GPC5: variants seen among roughly 807,000 people sequenced by gnomAD.
GPC5 encodes glypican-5.
GPC5 carries 47 observed loss-of-function variants against 53.9 expected under a neutral mutation model. The observed-to-expected ratio is 0.87, with a 90% confidence interval of 0.69 to 1.11. The LOEUF is 1.11. Among genes scored for constraint, GPC5 ranks in the 50% most tolerant of loss-of-function variants. GPC5 has a pLI of 0.00. For synonymous variants in GPC5, 286 were observed against 263.3 expected, an observed-to-expected ratio of 1.09 and a Z score of -0.84; for missense variants, 748 against 713.1, an observed-to-expected ratio of 1.05 and a Z score of -0.56.
At chr13:92,051,592 C>T (rs563604119) in intron 6 of GPC5, among the ~76,000 whole-genome samples, 38 of 152,216 alleles carry the variant, frequency 2.5e-4, no homozygotes, top group African/African-American at 8.7e-4. Context: ...CTTTTTGACT[C>T]GTCAGTATCA....
At chr13:91,960,602 A>G (rs904287639) in intron 6 of GPC5, among the ~76,000 whole-genome samples, 4 of 152,018 alleles carry the variant, frequency 2.6e-5, no homozygotes, top group Non-Finnish European at 5.9e-5. Flanking sequence ...AATACTCAAA[A>G]TAATCCTAGG....
chr13:92,119,393 T>TG (rs2041627597), intron 6 of GPC5, among the ~76,000 whole-genome samples: 1 of 118,628 alleles, frequency 8.4e-6, no homozygotes, highest in Admixed American at 8.4e-5. Flanking sequence ...GATTTTAGTT[T>TG]TTTTTTTTTT....
At chr13:92,645,198 T>A (rs1287278900) in intron 7 of GPC5, among the ~76,000 whole-genome samples, 2 of 152,098 alleles carry the variant, frequency 1.3e-5, no homozygotes, top group East Asian at 3.9e-4. Flanking sequence ...CAGGCTGGAG[T>A]GCAGTGGCAT....
intron 5 of GPC5, among the ~76,000 whole-genome samples, chr13:91,860,117 A>C (rs1188998060): frequency 6.6e-6 from 1 of 152,128 alleles, no homozygotes; most frequent in East Asian, 1.9e-4. Flanking sequence ...ATAATATATT[A>C]TTGTTAACCA....
At position 91,907,943 on chromosome 13, in the gene GPC5, T is replaced by C; in HGVS notation, c.1287T>C (p.Thr429=). 6.3e-7 allele frequency: 1 copy of C among 1,595,036 alleles called. No homozygotes were observed. Among genetic ancestry groups the C allele is most frequent in the Non-Finnish European group, 8.5e-7 (1 of 1,178,460 alleles). Residue 429 remains threonine (T), a synonymous_variant, in exon 6 of 8, where the codon ACT becomes ACC. Transcript: ENST00000377067. The part of the protein sequence containing the change: ...WNGEDIVKSY[T]QRVVGNGIKA... ...TTCACATTTCCCTTGCTAGTTATAC[T>C]CAGCGTGTGGTTGGAAATGGAATCA...
At chr13:92,452,104 C>T (rs1878083049) in intron 7 of GPC5, among the ~76,000 whole-genome samples, 2 of 151,894 alleles carry the variant, frequency 1.3e-5, no homozygotes, top group African/African-American at 4.8e-5. Context: ...ATAGTAAATC[C>T]CTCATTGAGA....
chr13:92,161,652 A>C (rs2041988833), intron 7 of GPC5, among the ~76,000 whole-genome samples: 1 of 151,980 alleles, frequency 6.6e-6, no homozygotes, highest in South Asian at 2.1e-4. Context: ...CTTAGTGGAG[A>C]CCTGACTAGA....
chr13:92,445,949 T>A (rs537904558), intron 7 of GPC5, among the ~76,000 whole-genome samples: 40 of 152,188 alleles, frequency 2.6e-4, no homozygotes, highest in Admixed American at 1.6e-3. Context: ...GTCTTTTTTT[T>A]AAATTTTTAA....
chr13:92,017,245 C>T (rs1425601252), intron 6 of GPC5, among the ~76,000 whole-genome samples: 1 of 151,972 alleles, frequency 6.6e-6, no homozygotes, highest in Non-Finnish European at 1.5e-5. Flanking sequence ...AGATCTAGGA[C>T]TTCCACTGAC....
At chr13:92,145,116 G>C in intron 7 of GPC5, 127 bp downstream of exon 7, 1 of 909,574 alleles carries the variant, frequency 1.1e-6, no homozygotes, top group Non-Finnish European at 1.5e-6. Context: ...AAATGGAAAT[G>C]AATCTATTTT....
chr13:91,967,158 GA>G (rs1475576827), intron 6 of GPC5, among the ~76,000 whole-genome samples: 2 of 152,114 alleles, frequency 1.3e-5, no homozygotes, highest in Admixed American at 6.5e-5. Flanking sequence ...GAATGAGAGA[GA>G]ACCAAGTGAA....
chr13:92,524,461 T>C (rs1316396161), intron 7 of GPC5, among the ~76,000 whole-genome samples: 2 of 152,136 alleles, frequency 1.3e-5, no homozygotes, highest in Non-Finnish European at 2.9e-5. Flanking sequence ...TTCCAAATAT[T>C]TTCAGTATAT....
rs554327445 is a variant in GPC5 at position 92,249,804 on chromosome 13, A to T, written c.1561+104815A>T. 3.9e-5 allele frequency among the ~76,000 whole-genome samples: 6 copies of T among 152,208 alleles called. No homozygotes were observed. The South Asian group carries it at 1.2e-3, about 32-fold the overall frequency. On this transcript the variant is annotated intron_variant, in intron 7 of 7. Transcript: ENST00000377067. Reference sequence around the variant, plus strand: ...TCAACATCTTATTCCACCTGAAAAAATTATCTAGGAACTAGAGAAATTAAT... The same window carrying T: ...TCAACATCTTATTCCACCTGAAAAATTTATCTAGGAACTAGAGAAATTAAT...
At chr13:91,893,664 A>G (rs754363465) in intron 5 of GPC5, among the ~76,000 whole-genome samples, 1 of 152,156 alleles carries the variant, frequency 6.6e-6, no homozygotes, top group African/African-American at 2.4e-5. Flanking sequence ...ACCTGTTTAC[A>G]TGACTAAATT....
At chr13:91,764,250 C>T (rs554263676) in intron 5 of GPC5, among the ~76,000 whole-genome samples, 2 of 152,278 alleles carry the variant, frequency 1.3e-5, no homozygotes, top group African/African-American at 4.8e-5. Flanking sequence ...GGTCAATATA[C>T]ACATTTTGGT....
At chr13:92,846,894 T>C (rs1379532829) in intron 7 of GPC5, among the ~76,000 whole-genome samples, 1 of 152,152 alleles carries the variant, frequency 6.6e-6, no homozygotes, top group African/African-American at 2.4e-5. Context: ...CATCTCAAAG[T>C]CTTTCTTTTA....
chr13:92,394,615 C>T (rs979105411), intron 7 of GPC5, among the ~76,000 whole-genome samples: 1 of 152,156 alleles, frequency 6.6e-6, no homozygotes, highest in African/African-American at 2.4e-5. Context: ...ACCACCCAGT[C>T]TATGGTACCT....
At chr13:91,573,623 A>T (rs528487015) in intron 2 of GPC5, among the ~76,000 whole-genome samples, 2 of 152,250 alleles carry the variant, frequency 1.3e-5, no homozygotes, top group East Asian at 3.9e-4. Context: ...ACCCTATAAA[A>T]TTGTTTTAAA....
intron 1 of GPC5, among the ~76,000 whole-genome samples, chr13:91,435,202 T>C (rs1315541161): frequency 6.6e-6 from 1 of 152,220 alleles, no homozygotes; most frequent in Non-Finnish European, 1.5e-5. Flanking sequence ...CTGATTGCCC[T>C]GGCCAGAACT....
Sources: allele counts gnomAD v4.1 joint callset (sites outside exome capture counted in the v4.1 genomes callset), GRCh38; gene constraint gnomAD v4.1.1; transcripts MANE v1.5; gene names NCBI Gene and HGNC (gene_info 2026-07-23, HGNC 2026-07-21).